ZC2HC1A: variants seen among roughly 807,000 people sequenced by gnomAD.
ZC2HC1A encodes the protein zinc finger C2HC-type containing 1A.
ZC2HC1A carries 28 observed loss-of-function variants against 40.7 expected under a neutral mutation model. The ratio of observed to expected loss-of-function variants is 0.69; its 90% confidence interval spans 0.51 to 0.94. ZC2HC1A has a LOEUF of 0.94. ZC2HC1A is among the 40% of genes least tolerant of loss of function. The pLI is 0.00. For missense variants in ZC2HC1A, 389 were observed against 386.3 expected (o/e 1.01, Z -0.06); for synonymous variants, 129 against 129.2 (o/e 1.00, Z 0.01).
rs1027003222 is a variant in ZC2HC1A at position 78,680,731 on chromosome 8, A to G, written c.210+2052A>G. On this transcript the variant is annotated intron_variant, in intron 3 of 8. Transcript: ENST00000263849. ...GGAGAAATTACCCGTAAGAGGAGGT[A>G]TAGGAAATTGCTTGGGGGCCTGTGG... Among the ~76,000 whole-genome samples the G allele has an allele frequency of 2.0e-5, 3 of 152,184 alleles. No individual in the cohort carries two copies. The East Asian group carries it at 5.8e-4, about 29-fold the overall frequency.
intron 3 of ZC2HC1A, among the ~76,000 whole-genome samples, chr8:78,684,920 T>G (rs1809915831): frequency 6.6e-6 from 1 of 152,222 alleles, no homozygotes; most frequent in Admixed American, 6.5e-5. Context: ...ATAAAGATTT[T>G]AAGTTTCTCA....
At chr8:78,690,999 A>G (rs1394467410) in intron 5 of ZC2HC1A, among the ~76,000 whole-genome samples, 2 of 152,104 alleles carry the variant, frequency 1.3e-5, no homozygotes, top group Non-Finnish European at 2.9e-5. Flanking sequence ...GGACTTTTCT[A>G]TGTATACAGT....
intron 5 of ZC2HC1A, among the ~76,000 whole-genome samples, chr8:78,693,386 A>G (rs1413053607): frequency 2.0e-5 from 3 of 152,176 alleles, no homozygotes; most frequent in Non-Finnish European, 2.9e-5. Flanking sequence ...CATCCTCTCC[A>G]GCACCTGTTG....
chr8:78,714,165 A>G (rs1336801228), intron 7 of ZC2HC1A, among the ~76,000 whole-genome samples: 1 of 152,180 alleles, frequency 6.6e-6, no homozygotes, highest in Non-Finnish European at 1.5e-5. Context: ...GGAGGGAACT[A>G]TGCTTCAATG....
chr8:78,686,660 A>G, intron 4 of ZC2HC1A, 52 bp downstream of exon 4: 1 of 1,402,910 alleles, frequency 7.1e-7, no homozygotes, highest in Non-Finnish European at 9.3e-7. Context: ...AAATAATGAT[A>G]GAGTTTTTAT....
intron 7 of ZC2HC1A, among the ~76,000 whole-genome samples, chr8:78,702,691 G>A (rs537765716): frequency 3.3e-5 from 5 of 152,200 alleles, no homozygotes; most frequent in South Asian, 2.1e-4. Context: ...AGCACTTCCC[G>A]ATTTCTGCGT....
chr8:78,686,063 G>A (rs1404376845), intron 3 of ZC2HC1A: 1 of 152,326 alleles, frequency 6.6e-6, no homozygotes, highest in African/African-American at 2.4e-5. Context: ...CTGGGATAAT[G>A]GCATTAATCC....
In ZC2HC1A at chr8:78,689,313, T is replaced by G; in HGVS notation, c.444T>G (p.Ile148Met). 1 of 1,605,136 alleles carries G rather than the reference T, an allele frequency of 6.2e-7. No homozygotes were observed. The highest frequency in any genetic ancestry group is 8.5e-7 in the Non-Finnish European group (1 of 1,175,762). The change falls in exon 5 of 9, where the codon ATT (isoleucine) becomes ATG (methionine). Residue 148 changes from isoleucine to methionine, a missense_variant. Physicochemically the swap from Ile to Met is conservative, Grantham distance 10. Transcript: ENST00000263849. The part of the protein sequence containing the change: ...INFCKEQAAR[I>M]SNKGKFSTDT... ...TCTGTAAAGAACAGGCAGCACGTAT[T>G]AGTAATAAAGGGAAATTTTCTACAG...
chr8:78,678,725 T>C, intron 3 of ZC2HC1A, 46 bp downstream of exon 3: 5 of 1,332,756 alleles, frequency 3.8e-6, no homozygotes, highest in Non-Finnish European at 5.2e-6. Context: ...GTGTTATGTA[T>C]GTTGAAAAAT....
chr8:78,677,646 G>T (rs907937168), intron 2 of ZC2HC1A, among the ~76,000 whole-genome samples: 1 of 149,686 alleles, frequency 6.7e-6, no homozygotes, highest in African/African-American at 2.5e-5. Context: ...ATTTAGTGGA[G>T]ACTTTTTTTT....
At chr8:78,670,698 A>G (rs1809417517) in intron 1 of ZC2HC1A, among the ~76,000 whole-genome samples, 1 of 152,168 alleles carries the variant, frequency 6.6e-6, no homozygotes, top group Non-Finnish European at 1.5e-5. Flanking sequence ...AACTTAGAGA[A>G]AGGTAGGAGG....
intron 1 of ZC2HC1A, among the ~76,000 whole-genome samples, chr8:78,670,982 G>C (rs1301965485): frequency 1.3e-5 from 2 of 152,190 alleles, no homozygotes; most frequent in Non-Finnish European, 2.9e-5. Context: ...AACATATTTA[G>C]TGCTTCAGAA....
chr8:78,711,041 C>A (rs1810935154), intron 7 of ZC2HC1A, among the ~76,000 whole-genome samples: 1 of 152,088 alleles, frequency 6.6e-6, no homozygotes, highest in Non-Finnish European at 1.5e-5. Flanking sequence ...GAGAATGGAG[C>A]ACAGTGCCTG....
At chr8:78,683,905 G>A (rs1282437001) in intron 3 of ZC2HC1A, among the ~76,000 whole-genome samples, 1 of 152,174 alleles carries the variant, frequency 6.6e-6, no homozygotes, top group African/African-American at 2.4e-5. Context: ...AATGCTACCA[G>A]TCTCTTTGCT....
chr8:78,705,305 T>G (rs1215187558), intron 7 of ZC2HC1A, among the ~76,000 whole-genome samples: 1 of 152,222 alleles, frequency 6.6e-6, no homozygotes, highest in East Asian at 1.9e-4. Context: ...TTTGTTTTTT[T>G]GAACAACTCT....
chr8:78,691,683 C>G (rs1484527185), intron 5 of ZC2HC1A, among the ~76,000 whole-genome samples: 1 of 151,852 alleles, frequency 6.6e-6, no homozygotes, highest in Non-Finnish European at 1.5e-5. Context: ...ATTTCATTTT[C>G]TTTTTTGGCT....
chr8:78,707,371 C>G (rs1810805784), intron 7 of ZC2HC1A, among the ~76,000 whole-genome samples: 1 of 152,170 alleles, frequency 6.6e-6, no homozygotes, highest in Non-Finnish European at 1.5e-5. Flanking sequence ...AGTTAGAAGA[C>G]TAGGTTTCTG....
rs538397307 is a variant in ZC2HC1A, at chr8:78,666,272, C to G, written c.16+108C>G. 58 of 1,501,082 alleles carry G rather than the reference C, an allele frequency of 3.9e-5. 1 individual carries two copies. The African/African-American group carries it at 7.5e-4, about 19-fold the overall frequency. The allele number at this position is 1,501,082 out of a possible 1,614,324, so 93.0% of individuals were successfully genotyped here. A position where few individuals can be genotyped will look rare whatever the true frequency, so the allele number is the denominator to read the frequency against. On this transcript the variant is annotated intron_variant, in intron 1 of 8. Coordinates refer to ENST00000263849, the MANE Select transcript of ZC2HC1A (RefSeq NM_016010.3). ...CGAGGGCTGGTTCGGTGCGGCGGAC[C>G]TCGCCGCGTCCCGCCGCGCCTCCGG...
At chr8:78,675,601 T>C in intron 1 of ZC2HC1A, 186 bp from the exon 2 acceptor site, 2 of 518,850 alleles carry the variant, frequency 3.9e-6, no homozygotes, top group Non-Finnish European at 3.4e-6. Flanking sequence ...TATCCTGACC[T>C]TTTTCACCAC....
Sources: allele counts gnomAD v4.1 joint callset (sites outside exome capture counted in the v4.1 genomes callset), GRCh38; gene constraint gnomAD v4.1.1; transcripts MANE v1.5; gene names NCBI Gene and HGNC (gene_info 2026-07-23, HGNC 2026-07-21).